NXN: variants seen among roughly 807,000 people sequenced by gnomAD.
NXN encodes the protein nucleoredoxin, also known as nucleoredoxin 1.
Under a neutral mutation model 48.6 loss-of-function variants are expected in NXN, and 16 were observed. The observed-to-expected ratio is 0.33, with a 90% CI of 0.22 to 0.50. The LOEUF (loss-of-function observed/expected upper bound fraction) is 0.50. Ranked by LOEUF, NXN falls within the 20% of genes least tolerant of loss-of-function variation. The pLI, the probability that NXN is intolerant of heterozygous loss-of-function variation, is 0.98. For synonymous variants in NXN, 281 were observed against 269.6 expected, an observed-to-expected ratio of 1.04 and a Z score of -0.41; for missense variants, 492 against 605.5, an observed-to-expected ratio of 0.81 and a Z score of 1.97.
At chr17:979,100 A>G (rs187012249) in intron 1 of NXN, among the ~76,000 whole-genome samples, 8,664 of 49,262 alleles carry the variant, frequency 0.18, 902 homozygotes, top group African/African-American at 0.4. Flanking sequence ...GTGCGGGCAC[A>G]GCGCGGAAGG....
chr17:973,681 T>C (rs1398195984), intron 1 of NXN, among the ~76,000 whole-genome samples: 1 of 151,984 alleles, frequency 6.6e-6, no homozygotes, highest in African/African-American at 2.4e-5. Context: ...ATTTTTTTTA[T>C]TTAATTTTTT....
At chr17:904,285 C>CTGGACGT (rs1555620595) in intron 1 of NXN, among the ~76,000 whole-genome samples, 2 of 148,664 alleles carry the variant, frequency 1.3e-5, no homozygotes, top group Non-Finnish European at 2.9e-5. Context: ...TGCGGGCTGC[C>CTGGACGT]CGGACGTCGG....
At chr17:910,311 C>T (rs1306562808) in intron 1 of NXN, among the ~76,000 whole-genome samples, 1 of 151,810 alleles carries the variant, frequency 6.6e-6, no homozygotes, top group East Asian at 1.9e-4. Flanking sequence ...ACTCAGAAGG[C>T]TGAGGGAGGA....
rs2068731930 is a variant in NXN at position 920,206 on chromosome 17, C to T, written c.360+59113G>A. Among the ~76,000 whole-genome samples the T allele has an allele frequency of 6.6e-6, 1 of 152,122 alleles. No individual in the cohort carries two copies. The highest frequency in any genetic ancestry group is 2.1e-4 in the South Asian group (1 of 4,824). On this transcript the variant is annotated intron_variant, in intron 1 of 7. Coordinates refer to ENST00000336868, the MANE Select transcript of NXN (RefSeq NM_022463.5). This position sits in a 1 kb window ranked among gnomAD's most constrained non-coding sequence, Gnocchi z 4.6. ...CGAGCCATCACGCCCAGTCTACACC[C>T]CGAAATCCAACATTACAAACTTATC... is the stretch of plus-strand genomic sequence containing the variant.
At chr17:939,210 C>T (rs557981765) in intron 1 of NXN, among the ~76,000 whole-genome samples, 27 of 152,220 alleles carry the variant, frequency 1.8e-4, no homozygotes, top group African/African-American at 6.3e-4. Context: ...TTTATAACAG[C>T]GCTGGTTATT....
chr17:973,107 T>C (rs146919576), intron 1 of NXN, among the ~76,000 whole-genome samples: 2 of 151,686 alleles, frequency 1.3e-5, no homozygotes, highest in Non-Finnish European at 2.9e-5. Flanking sequence ...TAGCTCACAT[T>C]CCAACCCGTG....
intron 1 of NXN, among the ~76,000 whole-genome samples, chr17:972,255 T>C (rs1347516586): frequency 6.6e-6 from 1 of 151,744 alleles, no homozygotes; most frequent in Non-Finnish European, 1.5e-5. Flanking sequence ...TGAGCTGAGA[T>C]GGTGTCATTG....
intron 1 of NXN, among the ~76,000 whole-genome samples, chr17:943,358 C>T (rs573993632): frequency 1.2e-4 from 19 of 152,024 alleles, no homozygotes; most frequent in Non-Finnish European, 2.6e-4. Flanking sequence ...CCACGGAGGT[C>T]GACTGGCCAG....
chr17:933,982 C>G (rs764421072), intron 1 of NXN, among the ~76,000 whole-genome samples: 2 of 152,124 alleles, frequency 1.3e-5, no homozygotes, highest in Admixed American at 1.3e-4. Flanking sequence ...GGTGGCATGC[C>G]TCACTATGTG....
chr17:964,692 A>AGGT (rs1317731886), intron 1 of NXN, among the ~76,000 whole-genome samples: 7 of 152,350 alleles, frequency 4.6e-5, no homozygotes, highest in Non-Finnish European at 7.3e-5. Flanking sequence ...GTGTAACTTT[A>AGGT]GGTGGTCAAA....
intron 5 of NXN, among the ~76,000 whole-genome samples, chr17:806,944 ACACG>A (rs201098787): frequency 2.2e-4 from 32 of 145,692 alleles, no homozygotes; most frequent in African/African-American, 4.6e-4. Context: ...ACACACACAC[ACACG>A]CACGCGCCCA....
intron 1 of NXN, among the ~76,000 whole-genome samples, chr17:834,933 T>C (rs2144683267): frequency 6.7e-6 from 1 of 150,144 alleles, no homozygotes; most frequent in East Asian, 2.1e-4. Flanking sequence ...CCACCACGCC[T>C]GGCCCCAGGG....
intron 1 of NXN, among the ~76,000 whole-genome samples, chr17:926,381 C>A (rs542101322): frequency 2.2e-4 from 33 of 152,112 alleles, no homozygotes; most frequent in Admixed American, 3.9e-4. Context: ...AAGACAGGGT[C>A]TTGTCATGTT....
chr17:885,620 ATG>A (rs111402503), intron 1 of NXN, among the ~76,000 whole-genome samples: 89,655 of 147,330 alleles, frequency 0.61, 27,147 homozygotes, highest in South Asian at 0.69. Flanking sequence ...TTGCGCACAC[ATG>A]CCCCTCTCTG....
chr17:840,682 G>C (rs944324548), intron 1 of NXN, among the ~76,000 whole-genome samples: 1 of 152,204 alleles, frequency 6.6e-6, no homozygotes, highest in African/African-American at 2.4e-5. Context: ...CTTCACCGGC[G>C]AGATACTCTT....
intron 1 of NXN, among the ~76,000 whole-genome samples, chr17:841,521 C>A (rs1914252534): frequency 7.3e-6 from 1 of 137,822 alleles, no homozygotes; most frequent in Non-Finnish European, 1.7e-5. Flanking sequence ...GCGAGCAGGT[C>A]CCCCCGACCA....
chr17:805,707 G>A (rs1353602735), intron 5 of NXN, among the ~76,000 whole-genome samples: 5 of 152,038 alleles, frequency 3.3e-5, no homozygotes, highest in Non-Finnish European at 7.4e-5. Flanking sequence ...GCGTGGTGGC[G>A]GGCGCCTGTA....
chr17:835,629 C>T lies in NXN; in HGVS notation c.361-9551G>A, dbSNP rs73289713. Among the ~76,000 whole-genome samples, 1,137 of 152,196 alleles carry T rather than the reference C, an allele frequency of 7.5e-3. 11 individuals are homozygous for T. Among genetic ancestry groups the T allele is most frequent in the African/African-American group, 0.026 (1,080 of 41,512 alleles). ...ACAATGAAACACATATCAAAAGGGA[C>T]GGGACTGGGAACCGGGAAACGGTAA... On this transcript the variant is annotated intron_variant, in intron 1 of 7. Transcript: ENST00000336868.
intron 1 of NXN, among the ~76,000 whole-genome samples, chr17:970,187 G>A (rs565952112): frequency 6.6e-5 from 10 of 152,276 alleles, no homozygotes; most frequent in Admixed American, 2.0e-4. Context: ...TCTCACTCCC[G>A]AGTAACGGCA....
Sources: gnomAD v4.1 joint callset for allele counts (sites outside exome capture counted in the v4.1 genomes callset) on GRCh38, gnomAD v4.1.1 for gene constraint, Gnocchi (gnomAD v3.1) non-coding constraint, MANE v1.5 for transcripts, NCBI Gene and HGNC (gene_info 2026-07-23, HGNC 2026-07-21) for gene names.